Variants in PAK1 observed in about 807,000 individuals in gnomAD.
PAK1 encodes p21 (RAC1) activated kinase 1.
Under a neutral mutation model 67.4 loss-of-function variants are expected in PAK1, and 29 were observed. That is an observed-to-expected ratio of 0.43 (90% CI 0.32 to 0.59). PAK1 has a LOEUF of 0.59. Ranked by LOEUF, PAK1 falls within the 20% of genes least tolerant of loss-of-function variation. The pLI is 0.07. For missense variants in PAK1, 337 were observed against 670.7 expected (o/e 0.50, Z 5.50); for synonymous variants, 223 against 237.4 (o/e 0.94, Z 0.56).
intron 1 of PAK1, among the ~76,000 whole-genome samples, chr11:77,400,494 C>G (rs1276500041): frequency 6.6e-6 from 1 of 152,146 alleles, no homozygotes; most frequent in African/African-American, 2.4e-5. Flanking sequence ...AGACCATCTG[C>G]TACCCATCTG....
chr11:77,429,078 A>AC (rs1955727763), intron 1 of PAK1, among the ~76,000 whole-genome samples: 2 of 123,922 alleles, frequency 1.6e-5, no homozygotes, highest in Non-Finnish European at 3.1e-5. Context: ...AAAAAAAAAA[A>AC]AAAAAAAAAA....
the PAK1 span, among the ~76,000 whole-genome samples, chr11:77,490,069 G>A: frequency 2.8e-5 from 4 of 143,310 alleles, no homozygotes; most frequent in African/African-American, 7.9e-5. Flanking sequence ...GCCGCCCATC[G>A]TCTGAGATGT....
chr11:77,502,004 T>TTAATGTTAGTAAGGGTAGGGAAGC, the PAK1 span, among the ~76,000 whole-genome samples: 1 of 106,140 alleles, frequency 9.4e-6, no homozygotes, highest in Non-Finnish European at 2.5e-5. Flanking sequence ...TGCTGACACC[T>TTAATGTTAGTAAGGGTAGGGAAGC]GTGCCTGCTG....
Position 77,399,930 on chromosome 11 carries a change from T to C in PAK1, c.-21-7389A>G, listed in dbSNP as rs531241521. ...TTATAACATAATATACATGTCAATA[T>C]ATAATGGATATGATAAAGTTAGTAT... On this transcript the variant is annotated intron_variant, in intron 1 of 14. Transcript: ENST00000356341. Among the ~76,000 whole-genome samples, 326 of 141,380 alleles carry C rather than the reference T, an allele frequency of 2.3e-3. 3 individuals are homozygous for C. The highest frequency in any genetic ancestry group is 7.5e-3 in the African/African-American group (288 of 38,614). The allele number at this position is 141,380 out of a possible 152,430, so 92.8% of individuals were successfully genotyped here. A position where few individuals can be genotyped will look rare whatever the true frequency, so the allele number is the denominator to read the frequency against.
chr11:77,499,997 T>C, the PAK1 span, among the ~76,000 whole-genome samples: 8 of 152,312 alleles, frequency 5.3e-5, no homozygotes, highest in South Asian at 1.7e-3. Flanking sequence ...GGAAGACCTC[T>C]GAACACACGC....
chr11:77,376,244 A>G (rs1244038288), intron 4 of PAK1, among the ~76,000 whole-genome samples: 1 of 152,210 alleles, frequency 6.6e-6, no homozygotes, highest in Non-Finnish European at 1.5e-5. Context: ...TCTATATATC[A>G]AAATCAAATT....
At chr11:77,420,596 T>C (rs1955206744) in intron 1 of PAK1, among the ~76,000 whole-genome samples, 1 of 152,218 alleles carries the variant, frequency 6.6e-6, no homozygotes, top group Non-Finnish European at 1.5e-5. Flanking sequence ...CAAGCATCCA[T>C]CAGCAAATTG....
intron 1 of PAK1, among the ~76,000 whole-genome samples, chr11:77,423,088 A>G: frequency 6.6e-6 from 1 of 152,100 alleles, no homozygotes; most frequent in East Asian, 1.9e-4. Context: ...AAATATTTCT[A>G]ATTGATACAA....
At chr11:77,472,292 G>A (rs949716969) in intron 1 of PAK1, among the ~76,000 whole-genome samples, 1 of 152,198 alleles carries the variant, frequency 6.6e-6, no homozygotes, top group Non-Finnish European at 1.5e-5. Flanking sequence ...CTTTTTGAAA[G>A]GCATAGTTTC....
the PAK1 span, among the ~76,000 whole-genome samples, chr11:77,489,394 C>G: frequency 8.8e-6 from 1 of 114,274 alleles, no homozygotes; most frequent in Non-Finnish European, 2.3e-5. Flanking sequence ...TCCCTCCTCT[C>G]TCCTCTCTCC....
Position 77,323,241 on chromosome 11 carries a change from G to T in PAK1, c.*33C>A, listed in dbSNP as rs751675411. ...GAAATGTGCATTTATCTCACAGAAG[G>T]CTTGGCACAATGAGGCTGGGGTGAG... On this transcript the variant is annotated 3_prime_UTR_variant, in exon 15 of 15. Coordinates refer to ENST00000356341, the MANE Select transcript of PAK1 (RefSeq NM_002576.5). 1 of 1,613,360 alleles carries T rather than the reference G, an allele frequency of 6.2e-7. No individual in the cohort carries two copies. Among genetic ancestry groups the T allele is most frequent in the Non-Finnish European group, 8.5e-7 (1 of 1,179,428 alleles).
chr11:77,362,849 T>C (rs1946989025), intron 5 of PAK1, among the ~76,000 whole-genome samples: 1 of 152,172 alleles, frequency 6.6e-6, no homozygotes, highest in South Asian at 2.1e-4. Flanking sequence ...AAAGTGGAGA[T>C]AATGGGAACA....
chr11:77,390,681 T>C (rs1372526113), intron 2 of PAK1, among the ~76,000 whole-genome samples: 1 of 149,856 alleles, frequency 6.7e-6, no homozygotes, highest in Non-Finnish European at 1.5e-5. Flanking sequence ...TTTTTTTTTT[T>C]AGTAGAGACA....
At position 77,343,874 on chromosome 11, in the gene PAK1, CATT is replaced by C; in HGVS notation, c.940_942del (p.Asn314del). 6.2e-7 allele frequency: 1 copy of C among 1,613,542 alleles called. No individual in the cohort carries two copies. The highest frequency in any genetic ancestry group is 2.2e-5 in the East Asian group (1 of 44,894). On this transcript the variant is annotated inframe_deletion, in exon 10 of 15. Coordinates refer to ENST00000356341, the MANE Select transcript of PAK1 (RefSeq NM_002576.5). ...TTGTTTTCCCTCATGACCAGGATCTCATTAATAATCAGCTCTTTCTTGGGCTGC... is the reference window on the plus strand; with the variant it reads ...TTGTTTTCCCTCATGACCAGGATCTCAATAATCAGCTCTTTCTTGGGCTGC...
the PAK1 span, among the ~76,000 whole-genome samples, chr11:77,526,589 G>T: frequency 5.9e-5 from 9 of 152,186 alleles, no homozygotes; most frequent in Non-Finnish European, 1.2e-4. Flanking sequence ...ACCACATGTG[G>T]TTGCATATAC....
chr11:77,520,167 T>C, the PAK1 span, among the ~76,000 whole-genome samples: 1 of 152,206 alleles, frequency 6.6e-6, no homozygotes, highest in Admixed American at 6.5e-5. Context: ...TGCCTATGCA[T>C]TTGGCTGTCT....
chr11:77,420,762 C>G (rs1955216204), intron 1 of PAK1, among the ~76,000 whole-genome samples: 1 of 152,204 alleles, frequency 6.6e-6, no homozygotes, highest in African/African-American at 2.4e-5. Context: ...CAGATTTGCT[C>G]TGCTCCCCAG....
chr11:77,459,981 C>A (rs968953745), intron 1 of PAK1, among the ~76,000 whole-genome samples: 3 of 151,906 alleles, frequency 2.0e-5, no homozygotes, highest in African/African-American at 7.2e-5. Flanking sequence ...CAGGCGTGAG[C>A]CACCGCGCCC....
chr11:77,331,624 CG>C (rs933662500), intron 14 of PAK1, among the ~76,000 whole-genome samples: 9 of 151,906 alleles, frequency 5.9e-5, no homozygotes, highest in African/African-American at 2.2e-4. Flanking sequence ...ATCACACACC[CG>C]GGACTGTTGT....
Sources: gnomAD v4.1 joint callset for allele counts (sites outside exome capture counted in the v4.1 genomes callset) on GRCh38, gnomAD v4.1.1 for gene constraint, MANE v1.5 for transcripts, NCBI Gene and HGNC (gene_info 2026-07-23, HGNC 2026-07-21) for gene names.